Variants in GRHL2 observed in about 807,000 individuals in gnomAD.
GRHL2 encodes the protein grainyhead like transcription factor 2.
Under a neutral mutation model 83.8 loss-of-function variants are expected in GRHL2, and 21 were observed. The observed-to-expected ratio is 0.25, with a 90% CI of 0.18 to 0.36. The LOEUF (loss-of-function observed/expected upper bound fraction) is 0.36. GRHL2 is among the 10% of genes least tolerant of loss of function. The probability of loss-of-function intolerance (pLI) is 1.00; values close to 1 mark genes in which losing one functional copy is unlikely to be tolerated. For missense variants in GRHL2, 623 were observed against 781.8 expected, an observed-to-expected ratio of 0.80 and a Z score of 2.42; for synonymous variants, 280 against 278.9, an observed-to-expected ratio of 1.00 and a Z score of -0.04.
At chr8:101,522,709 A>G (rs1810711261) in intron 1 of GRHL2, among the ~76,000 whole-genome samples, 1 of 151,370 alleles carries the variant, frequency 6.6e-6, no homozygotes, top group Non-Finnish European at 1.5e-5. Flanking sequence ...AGCCTTACAA[A>G]TACAAGTATG....
intron 7 of GRHL2, among the ~76,000 whole-genome samples, chr8:101,595,369 CATG>C (rs1812371085): frequency 6.6e-6 from 1 of 152,160 alleles, no homozygotes; most frequent in Non-Finnish European, 1.5e-5. Context: ...TGTTGTAACT[CATG>C]AGAGCTAGGA....
chr8:101,628,626 C>T (rs1761269717), intron 9 of GRHL2, among the ~76,000 whole-genome samples: 1 of 151,720 alleles, frequency 6.6e-6, no homozygotes, highest in South Asian at 2.1e-4. Flanking sequence ...AGGGATTCCA[C>T]TGATGGTTCT....
intron 1 of GRHL2, chr8:101,528,982 C>A: frequency 2.8e-6 from 1 of 351,592 alleles, no homozygotes; most frequent in South Asian, 2.3e-5. Context: ...TTGTTCAGCC[C>A]TCTTCTGCAT....
chr8:101,497,657 C>T (rs190183291), intron 1 of GRHL2, among the ~76,000 whole-genome samples: 4 of 152,272 alleles, frequency 2.6e-5, no homozygotes, highest in East Asian at 3.9e-4. Context: ...ATTCTCCAGG[C>T]GAGAGCACAG....
chr8:101,656,785 AACAC>A (rs1488104461), intron 14 of GRHL2, among the ~76,000 whole-genome samples: 1 of 152,210 alleles, frequency 6.6e-6, no homozygotes, highest in Non-Finnish European at 1.5e-5. Flanking sequence ...TGCTTAAAGT[AACAC>A]ACAGAAATTA....
chr8:101,679,470 G>C, the GRHL2 span, among the ~76,000 whole-genome samples: 4 of 149,902 alleles, frequency 2.7e-5, no homozygotes, highest in Non-Finnish European at 5.9e-5. Flanking sequence ...GAAAGTGATG[G>C]GGAGAATGGA....
At chr8:101,595,077 C>T (rs1198952716) in intron 7 of GRHL2, among the ~76,000 whole-genome samples, 1 of 152,150 alleles carries the variant, frequency 6.6e-6, no homozygotes, top group East Asian at 1.9e-4. Flanking sequence ...GTCTCTAGGA[C>T]TGAAAAAGCC....
intron 3 of GRHL2, among the ~76,000 whole-genome samples, chr8:101,557,536 T>C (rs1181779203): frequency 6.6e-6 from 1 of 152,170 alleles, no homozygotes; most frequent in East Asian, 1.9e-4. Context: ...AATACTTCCT[T>C]AATATCGCCA....
At chr8:101,663,060 G>A (rs573932359) in intron 14 of GRHL2, among the ~76,000 whole-genome samples, 135 of 152,136 alleles carry the variant, frequency 8.9e-4, no homozygotes, top group Non-Finnish European at 1.6e-3. Flanking sequence ...TTTGTTATAC[G>A]CAGTTTTCTC....
intron 4 of GRHL2, among the ~76,000 whole-genome samples, chr8:101,564,255 A>G (rs1201957716): frequency 6.6e-6 from 1 of 152,198 alleles, no homozygotes; most frequent in Non-Finnish European, 1.5e-5. Context: ...TTTCATTGTC[A>G]ACTAGTTATA....
chr8:101,671,382 G>A (rs1372792925), downstream of GRHL2, among the ~76,000 whole-genome samples: 1 of 152,228 alleles, frequency 6.6e-6, no homozygotes, highest in Non-Finnish European at 1.5e-5. Flanking sequence ...GTGGCTCGGA[G>A]GGTCCTACGC....
At chr8:101,625,953 G>C (rs917213661) in intron 9 of GRHL2, among the ~76,000 whole-genome samples, 2 of 151,988 alleles carry the variant, frequency 1.3e-5, no homozygotes, top group African/African-American at 4.8e-5. Context: ...TGTATTCATC[G>C]TAATTACTGT....
chr8:101,597,904 G>A (rs1812425105), intron 7 of GRHL2, among the ~76,000 whole-genome samples: 1 of 152,082 alleles, frequency 6.6e-6, no homozygotes, highest in Non-Finnish European at 1.5e-5. Flanking sequence ...TCTGTAGTCT[G>A]GATTGCCAGA....
chr8:101,532,008 C>G (rs898306852), intron 1 of GRHL2, among the ~76,000 whole-genome samples: 2 of 152,250 alleles, frequency 1.3e-5, no homozygotes, highest in Admixed American at 1.3e-4. Flanking sequence ...TGAATCTTCT[C>G]TTTCCCGAGC....
intron 8 of GRHL2, among the ~76,000 whole-genome samples, chr8:101,608,065 C>T (rs1443464032): frequency 6.6e-6 from 1 of 152,166 alleles, no homozygotes; most frequent in Non-Finnish European, 1.5e-5. Context: ...ATTGTGTGTG[C>T]GTGTGTACAC....
Position 101,668,376 on chromosome 8 carries a change from CCT to C in GRHL2, c.*1674_*1675del, listed in dbSNP as rs1301489655. ...TTCCTGCGCTCCCACCTCATCTGTC[CCT>C]GAGATGCAGAGCAGGATGGAGGGTC... On this transcript the variant is annotated 3_prime_UTR_variant, in exon 16 of 16. Transcript: ENST00000646743. The C allele has an allele frequency of 1.3e-5, 2 of 152,706 alleles. No homozygotes were observed. Among genetic ancestry groups the C allele is most frequent in the African/African-American group, 4.8e-5 (2 of 41,450 alleles). The allele number at this position is 152,706 out of a possible 1,614,324, so 9.5% of individuals were successfully genotyped here.
intron 8 of GRHL2, among the ~76,000 whole-genome samples, chr8:101,604,996 G>A (rs1340179877): frequency 6.6e-6 from 1 of 152,210 alleles, no homozygotes; most frequent in East Asian, 1.9e-4. Context: ...TTGAGTTGCA[G>A]GAGAGGACTT....
intron 2 of GRHL2, chr8:101,543,686 A>T: frequency 2.0e-6 from 1 of 511,522 alleles, no homozygotes. Context: ...ACATGCATAA[A>T]TATTATTTGC....
chr8:101,499,035 A>G (rs1226181046), intron 1 of GRHL2, among the ~76,000 whole-genome samples: 1 of 151,520 alleles, frequency 6.6e-6, no homozygotes, highest in African/African-American at 2.4e-5. Flanking sequence ...AGATTGTGCC[A>G]CTGCGCTCCA....
Sources: gnomAD v4.1 joint callset for allele counts (sites outside exome capture counted in the v4.1 genomes callset) on GRCh38, gnomAD v4.1.1 for gene constraint, MANE v1.5 for transcripts, NCBI Gene and HGNC (gene_info 2026-07-23, HGNC 2026-07-21) for gene names.